Variants in DPP10 observed in about 807,000 individuals in gnomAD.
The protein encoded by DPP10 is inactive dipeptidyl peptidase 10.
Under a neutral mutation model 120.9 loss-of-function variants are expected in DPP10, and 33 were observed. The observed-to-expected ratio is 0.27, with a 90% CI of 0.21 to 0.37. The LOEUF is 0.37. Ranked by LOEUF, DPP10 falls within the 10% of genes least tolerant of loss-of-function variation. The probability of loss-of-function intolerance (pLI) is 1.00; values close to 1 mark genes in which losing one functional copy is unlikely to be tolerated. For missense variants in DPP10, 816 were observed against 942.8 expected, an observed-to-expected ratio of 0.87 and a Z score of 1.76; for synonymous variants, 337 against 326.1, an observed-to-expected ratio of 1.03 and a Z score of -0.36.
At chr2:115,762,300 A>T (rs971611434) in intron 11 of DPP10, among the ~76,000 whole-genome samples, 1 of 152,154 alleles carries the variant, frequency 6.6e-6, no homozygotes, top group Non-Finnish European at 1.5e-5. Context: ...AATCAAACAG[A>T]GCTGGAAAAT....
chr2:115,811,487 T>C (rs2150022483), intron 19 of DPP10, among the ~76,000 whole-genome samples: 1 of 152,362 alleles, frequency 6.6e-6, no homozygotes, highest in Non-Finnish European at 1.5e-5. Flanking sequence ...AAACTCTATC[T>C]TAAAATAATT....
At chr2:114,808,560 T>G (rs1684928535) in intron 1 of DPP10, among the ~76,000 whole-genome samples, 2 of 151,326 alleles carry the variant, frequency 1.3e-5, no homozygotes, top group African/African-American at 4.9e-5. Context: ...TTTTTTTTTT[T>G]GCTTAATGTC....
chr2:114,993,444 A>C (rs1377876258), intron 1 of DPP10, among the ~76,000 whole-genome samples: 1 of 151,564 alleles, frequency 6.6e-6, no homozygotes, highest in Non-Finnish European at 1.5e-5. Flanking sequence ...TCTGACACAT[A>C]CACACCTATT....
chr2:114,578,417 C>T, intron 1 of DPP10, among the ~76,000 whole-genome samples: 1 of 151,886 alleles, frequency 6.6e-6, no homozygotes, highest in African/African-American at 2.4e-5. Context: ...TTTTATGGTC[C>T]ATTTCTTTTT....
At chr2:115,481,625 G>A (rs764303935) in intron 3 of DPP10, among the ~76,000 whole-genome samples, 1 of 151,974 alleles carries the variant, frequency 6.6e-6, no homozygotes, top group Non-Finnish European at 1.5e-5. Flanking sequence ...ACATTTTGGA[G>A]CCAATTATTT....
At chr2:115,320,892 G>T (rs1430827040) in intron 2 of DPP10, among the ~76,000 whole-genome samples, 1 of 152,124 alleles carries the variant, frequency 6.6e-6, no homozygotes, top group African/African-American at 2.4e-5. Flanking sequence ...TTGGAGGGCA[G>T]TTCTACTTAT....
chr2:115,004,810 C>A (rs915434517), intron 1 of DPP10, among the ~76,000 whole-genome samples: 1 of 152,186 alleles, frequency 6.6e-6, no homozygotes, highest in African/African-American at 2.4e-5. Flanking sequence ...CACCATTGCC[C>A]AGGCTTGCTT....
intron 1 of DPP10, among the ~76,000 whole-genome samples, chr2:114,750,821 G>A (rs1197998337): frequency 2.0e-5 from 3 of 152,204 alleles, no homozygotes; most frequent in Non-Finnish European, 4.4e-5. Flanking sequence ...CTCTCACAAA[G>A]CATTTTATCC....
At chr2:114,521,847 G>T (rs1196115121) in intron 1 of DPP10, among the ~76,000 whole-genome samples, 1 of 127,366 alleles carries the variant, frequency 7.9e-6, no homozygotes, top group Non-Finnish European at 1.6e-5. Context: ...TCGCTCTGTC[G>T]CCCAGGCTGG....
At chr2:114,960,205 C>A (rs1334510033) in intron 1 of DPP10, among the ~76,000 whole-genome samples, 3 of 152,054 alleles carry the variant, frequency 2.0e-5, no homozygotes, top group African/African-American at 7.2e-5. Flanking sequence ...AAAGGCATGA[C>A]AATTATTTTC....
intron 1 of DPP10, among the ~76,000 whole-genome samples, chr2:115,058,691 G>A (rs572028620): frequency 2.6e-5 from 4 of 152,124 alleles, no homozygotes; most frequent in Non-Finnish European, 5.9e-5. Flanking sequence ...GTGAGCTACC[G>A]TGCCCGGCCT....
chr2:114,680,761 A>G (rs1698975624), intron 1 of DPP10, among the ~76,000 whole-genome samples: 2 of 151,946 alleles, frequency 1.3e-5, no homozygotes, highest in Admixed American at 1.3e-4. Context: ...TCAGACATGT[A>G]TTCAGGGAAT....
chr2:115,589,354 A>G (rs2082483453), intron 5 of DPP10, among the ~76,000 whole-genome samples: 1 of 152,204 alleles, frequency 6.6e-6, no homozygotes, highest in African/African-American at 2.4e-5. Context: ...AAGAGAAGTA[A>G]TGGCTTTAAA....
intron 1 of DPP10, among the ~76,000 whole-genome samples, chr2:114,830,681 T>C (rs924501643): frequency 1.3e-5 from 2 of 152,184 alleles, no homozygotes; most frequent in African/African-American, 4.8e-5. Flanking sequence ...CTTTTGTCAA[T>C]TTATTCAGCC....
intron 1 of DPP10, among the ~76,000 whole-genome samples, chr2:114,663,405 C>T (rs939501563): frequency 2.7e-4 from 41 of 150,502 alleles, no homozygotes; most frequent in African/African-American, 9.7e-4. Flanking sequence ...ATTTGAAATA[C>T]TTGCTTTCTC....
chr2:115,727,442 T>C (rs945127002), intron 7 of DPP10, among the ~76,000 whole-genome samples: 2 of 152,146 alleles, frequency 1.3e-5, no homozygotes, highest in African/African-American at 4.8e-5. Context: ...AACAGTCAGT[T>C]GGTGTTACTA....
chr2:114,968,909 T>A (rs768008013), intron 1 of DPP10, among the ~76,000 whole-genome samples: 6 of 152,154 alleles, frequency 3.9e-5, no homozygotes, highest in South Asian at 4.1e-4. Flanking sequence ...TGCAACAAGG[T>A]TTGCCAATTT....
intron 1 of DPP10, among the ~76,000 whole-genome samples, chr2:114,566,347 G>A (rs1182052776): frequency 6.6e-6 from 1 of 152,052 alleles, no homozygotes; most frequent in South Asian, 2.1e-4. Context: ...AAAAAGAAAT[G>A]ATCACATTTA....
chr2:114,527,213 G>T (rs1168347907), intron 1 of DPP10, among the ~76,000 whole-genome samples: 1 of 152,108 alleles, frequency 6.6e-6, no homozygotes, highest in Admixed American at 6.6e-5. Context: ...TGTTAAATGT[G>T]GGGTCACTAA....
Sources: allele counts gnomAD v4.1 joint callset (sites outside exome capture counted in the v4.1 genomes callset), GRCh38; gene constraint gnomAD v4.1.1; transcripts MANE v1.5; gene names NCBI Gene and HGNC (gene_info 2026-07-23, HGNC 2026-07-21).